Variants in DLG2 observed in about 807,000 individuals in gnomAD.
DLG2 encodes disks large homolog 2.
Under a neutral mutation model 132.5 loss-of-function variants are expected in DLG2, and 45 were observed. The ratio of observed to expected loss-of-function variants is 0.34; its 90% CI spans 0.27 to 0.44. The LOEUF (loss-of-function observed/expected upper bound fraction) is 0.44. DLG2 is among the 20% of genes least tolerant of loss of function. The probability of loss-of-function intolerance (pLI) is 1.00; values close to 1 mark genes in which losing one functional copy is unlikely to be tolerated. For synonymous variants in DLG2, 424 were observed against 419.6 expected (o/e 1.01, Z -0.13); for missense variants, 1,045 against 1,196.9 (o/e 0.87, Z 1.87).
chr11:85,162,756 T>C (rs2078133842), intron 4 of DLG2, among the ~76,000 whole-genome samples: 1 of 152,194 alleles, frequency 6.6e-6, no homozygotes, highest in African/African-American at 2.4e-5. Context: ...ATTATTGTCT[T>C]TATTTGAAGA....
chr11:84,241,987 G>A lies in DLG2; in HGVS notation c.573+9251C>T, dbSNP rs117180451. Among the ~76,000 whole-genome samples, 417 of 152,286 alleles carry A rather than the reference G, an allele frequency of 2.7e-3. 5 individuals carry two copies. Among genetic ancestry groups the A allele is most frequent in the East Asian group, 0.012 (62 of 5,178 alleles). On this transcript the variant is annotated intron_variant, in intron 8 of 27. Transcript: ENST00000376104. Reference sequence around the variant, plus strand: ...GCACCTTGAGCAGCTTTATGCTTGAGAAGCTACACAAATATTTTTCAGGAT... The same window carrying A: ...GCACCTTGAGCAGCTTTATGCTTGAAAAGCTACACAAATATTTTTCAGGAT...
intron 7 of DLG2, among the ~76,000 whole-genome samples, chr11:84,256,917 T>A (rs2097481551): frequency 6.6e-6 from 1 of 152,232 alleles, no homozygotes; most frequent in Non-Finnish European, 1.5e-5. Flanking sequence ...CAAGATAGCA[T>A]GCTAGCAAAC....
At chr11:85,336,473 G>C (rs1397414445) in intron 3 of DLG2, 1 of 155,966 alleles carries the variant, frequency 6.4e-6, no homozygotes, top group African/African-American at 2.4e-5. Flanking sequence ...GCAAGGCATG[G>C]GTGGCCAAGG....
At chr11:84,786,302 A>T (rs970182339) in intron 6 of DLG2, among the ~76,000 whole-genome samples, 1 of 152,214 alleles carries the variant, frequency 6.6e-6, no homozygotes, top group African/African-American at 2.4e-5. Flanking sequence ...TTGAACACTC[A>T]TAAGAAGATA....
At chr11:85,387,917 G>T (rs1303524117) in intron 3 of DLG2, among the ~76,000 whole-genome samples, 1 of 152,260 alleles carries the variant, frequency 6.6e-6, no homozygotes, top group Admixed American at 6.5e-5. Flanking sequence ...ACTACCACAG[G>T]TACAACCAGG....
chr11:85,121,687 A>T (rs2074338968), intron 5 of DLG2, among the ~76,000 whole-genome samples: 1 of 152,142 alleles, frequency 6.6e-6, no homozygotes, highest in African/African-American at 2.4e-5. Context: ...CATTTCTTTT[A>T]TACAAAAATG....
At chr11:84,290,434 T>C (rs1046634397) in intron 7 of DLG2, among the ~76,000 whole-genome samples, 1 of 152,104 alleles carries the variant, frequency 6.6e-6, no homozygotes, top group Non-Finnish European at 1.5e-5. Context: ...TTATTTGCTC[T>C]AATGAGAAAC....
chr11:85,284,310 A>T (rs1381087561), intron 4 of DLG2, among the ~76,000 whole-genome samples: 1 of 151,786 alleles, frequency 6.6e-6, no homozygotes, highest in Non-Finnish European at 1.5e-5. Flanking sequence ...GGTGATAATT[A>T]GGCTCTGTCC....
At chr11:84,525,031 T>A (rs899169827) in intron 7 of DLG2, among the ~76,000 whole-genome samples, 2 of 152,100 alleles carry the variant, frequency 1.3e-5, no homozygotes, top group African/African-American at 4.8e-5. Flanking sequence ...AAGGGCTAAA[T>A]GTTGTGGTAA....
intron 18 of DLG2, among the ~76,000 whole-genome samples, chr11:83,776,078 C>G (rs183626647): frequency 1.3e-5 from 2 of 151,304 alleles, no homozygotes; most frequent in African/African-American, 2.4e-5. Flanking sequence ...GGTGACAGAG[C>G]GAGACTCTGT....
intron 3 of DLG2, among the ~76,000 whole-genome samples, chr11:85,458,796 T>C (rs552808575): frequency 2.4e-4 from 37 of 152,352 alleles, no homozygotes; most frequent in African/African-American, 8.9e-4. Context: ...TATTTCCTCA[T>C]GATTGCAGCC....
intron 18 of DLG2, among the ~76,000 whole-genome samples, chr11:83,689,719 T>C (rs2080504175): frequency 6.6e-6 from 1 of 151,844 alleles, no homozygotes; most frequent in Non-Finnish European, 1.5e-5. Flanking sequence ...AAAACACTTG[T>C]GTCATTGTGA....
intron 3 of DLG2, among the ~76,000 whole-genome samples, chr11:85,537,018 G>A (rs1432715048): frequency 4.6e-5 from 7 of 152,318 alleles, no homozygotes; most frequent in Admixed American, 4.6e-4. Context: ...TCAGCATTCT[G>A]TGTCTAGCTA....
At chr11:84,517,162 T>A (rs1007634317) in intron 7 of DLG2, among the ~76,000 whole-genome samples, 1 of 147,704 alleles carries the variant, frequency 6.8e-6, no homozygotes, top group Non-Finnish European at 1.5e-5. Flanking sequence ...TGGGACTGCA[T>A]CAAACTAAAA....
At chr11:84,558,922 T>C (rs892831260) in intron 6 of DLG2, among the ~76,000 whole-genome samples, 25 of 152,306 alleles carry the variant, frequency 1.6e-4, no homozygotes, top group African/African-American at 5.8e-4. Flanking sequence ...ATGATTCTCC[T>C]AAGCCCCTCA....
At chr11:83,831,919 G>A (rs1362271309) in intron 17 of DLG2, among the ~76,000 whole-genome samples, 1 of 152,110 alleles carries the variant, frequency 6.6e-6, no homozygotes, top group Non-Finnish European at 1.5e-5. Context: ...AAGAAAGGAA[G>A]AGGAAAGGGA....
intron 7 of DLG2, among the ~76,000 whole-genome samples, chr11:84,288,917 A>T (rs1323506059): frequency 6.6e-6 from 1 of 152,022 alleles, no homozygotes; most frequent in African/African-American, 2.4e-5. Context: ...CTGAGACTTA[A>T]ATATTGCTCA....
intron 16 of DLG2, among the ~76,000 whole-genome samples, chr11:83,870,162 C>T (rs917656908): frequency 7.9e-5 from 12 of 152,162 alleles, no homozygotes; most frequent in Non-Finnish European, 1.6e-4. Context: ...TTAAGAGGTA[C>T]AAGTGCAATT....
chr11:85,261,119 T>C (rs1268457152), intron 4 of DLG2, among the ~76,000 whole-genome samples: 1 of 152,058 alleles, frequency 6.6e-6, no homozygotes, highest in Non-Finnish European at 1.5e-5. Flanking sequence ...AGAAAGTATG[T>C]TGCAAGGAAA....
Sources: allele counts gnomAD v4.1 joint callset (sites outside exome capture counted in the v4.1 genomes callset), GRCh38; gene constraint gnomAD v4.1.1; transcripts MANE v1.5; gene names NCBI Gene and HGNC (gene_info 2026-07-23, HGNC 2026-07-21).